NAE1: variants seen among roughly 807,000 people sequenced by gnomAD.
NAE1 encodes the protein NEDD8 activating enzyme E1 subunit 1.
NAE1 carries 59 observed loss-of-function variants against 88.0 expected under a neutral mutation model. That is an observed-to-expected ratio of 0.67 (90% confidence interval 0.54 to 0.83). NAE1 has a LOEUF of 0.83. NAE1 is among the 40% of genes least tolerant of loss of function. The pLI, the probability that NAE1 is intolerant of heterozygous loss-of-function variation, is 0.00. For synonymous variants in NAE1, 186 were observed against 208.9 expected, an observed-to-expected ratio of 0.89 and a Z score of 0.95; for missense variants, 554 against 632.8, an observed-to-expected ratio of 0.88 and a Z score of 1.34.
At chr16:66,824,936 G>A (rs755429834) in intron 3 of NAE1, 51 bp from the exon 4 acceptor site, 33 of 1,523,370 alleles carry the variant, frequency 2.2e-5, no homozygotes, top group Non-Finnish European at 2.9e-5. Context: ...TGACTATAAA[G>A]GAAAAGTTGT....
intron 1 of NAE1, among the ~76,000 whole-genome samples, chr16:66,829,468 A>G (rs959955773): frequency 3.3e-5 from 5 of 152,216 alleles, no homozygotes; most frequent in Non-Finnish European, 4.4e-5. Context: ...CAAATTACCT[A>G]ACTTCTCCAA....
chr16:66,826,784 C>A lies in NAE1; in HGVS notation c.54-4G>T. 1 of 1,582,974 alleles carries A rather than the reference C, an allele frequency of 6.3e-7. No individual in the cohort carries two copies. The highest frequency in any genetic ancestry group is 8.5e-7 in the Non-Finnish European group (1 of 1,169,850). On this transcript the variant is annotated splice_region_variant and splice_polypyrimidine_tract_variant and intron_variant, in intron 1 of 19. Transcript: ENST00000290810. Reference sequence around the variant, plus strand: ...TTGCCCATGATCACCCCACAACCTACAAAACAGACACAAATTTGATGTTTT... The same window carrying A: ...TTGCCCATGATCACCCCACAACCTAAAAAACAGACACAAATTTGATGTTTT...
At chr16:66,814,939 T>C (rs1959981661) in intron 11 of NAE1, among the ~76,000 whole-genome samples, 1 of 152,208 alleles carries the variant, frequency 6.6e-6, no homozygotes, top group African/African-American at 2.4e-5. Flanking sequence ...AAAGTCAAGC[T>C]TCATCCCACT....
Position 66,818,520 on chromosome 16 carries a change from C to T in NAE1, c.621+8G>A. ...ATCTGTAAATGTAAGGTCACACACACTACCAACCTTTTTTTCCATATGATC... is the reference window on the plus strand; with the variant it reads ...ATCTGTAAATGTAAGGTCACACACATTACCAACCTTTTTTTCCATATGATC... On this transcript the variant is annotated splice_region_variant and intron_variant, in intron 8 of 19. Coordinates refer to ENST00000290810, the MANE Select transcript of NAE1 (RefSeq NM_003905.4). The T allele has an allele frequency of 6.2e-7, 1 of 1,604,892 alleles. No homozygotes were observed. Among genetic ancestry groups the T allele is most frequent in the Non-Finnish European group, 8.5e-7 (1 of 1,175,838 alleles).
At chr16:66,829,838 T>C (rs955347006) in intron 1 of NAE1, among the ~76,000 whole-genome samples, 1 of 152,224 alleles carries the variant, frequency 6.6e-6, no homozygotes, top group Non-Finnish European at 1.5e-5. Context: ...ATGAGGCTAG[T>C]GTTAACTGAG....
chr16:66,804,242 C>CAA (rs58574660), intron 19 of NAE1, among the ~76,000 whole-genome samples: 3,089 of 140,946 alleles, frequency 0.022, 61 homozygotes, highest in South Asian at 0.094. Context: ...AAGTAAAAAA[C>CAA]AAAAAAAAAA....
intron 6 of NAE1, among the ~76,000 whole-genome samples, chr16:66,823,014 C>T (rs1004252884): frequency 1.4e-5 from 2 of 145,618 alleles, no homozygotes; most frequent in African/African-American, 5.0e-5. Context: ...CACCTGTAAT[C>T]CCAACACTTT....
intron 17 of NAE1, 87 bp downstream of exon 17, chr16:66,808,434 A>G (rs942253451): frequency 3.6e-5 from 33 of 910,968 alleles, no homozygotes; most frequent in Non-Finnish European, 5.1e-5. Context: ...TTCAAGCAAC[A>G]CTATTATAAA....
rs539519268 is a variant in NAE1, at chr16:66,827,810, G to A, written c.54-1030C>T. The A allele has an allele frequency of 1.3e-5, 8 of 599,302 alleles. No individual in the cohort carries two copies. In the Admixed American group the frequency reaches 1.8e-4, roughly 13 times the overall value. 37.1% of individuals were successfully genotyped at this position (599,302 alleles called of 1,614,324 possible). A position where few individuals can be genotyped will look rare whatever the true frequency, so the allele number is the denominator to read the frequency against. ...TTTAAAGCAGATTACCCCTTATTATGTAGTCAGTATGTCCTCCAGAGCATG... is the reference window on the plus strand; with the variant it reads ...TTTAAAGCAGATTACCCCTTATTATATAGTCAGTATGTCCTCCAGAGCATG... On this transcript the variant is annotated intron_variant, in intron 1 of 19. Transcript: ENST00000290810.
intron 13 of NAE1, among the ~76,000 whole-genome samples, chr16:66,812,807 C>T (rs1244340670): frequency 2.0e-5 from 3 of 150,924 alleles, no homozygotes; most frequent in Non-Finnish European, 3.0e-5. Context: ...GCGTGAGCCA[C>T]CACGCCCGGC....
At position 66,813,775 on chromosome 16, in the gene NAE1, T is replaced by A. The variant is rs750702444; in HGVS notation, c.900+12A>T. 22 of 1,613,326 alleles carry A rather than the reference T, an allele frequency of 1.4e-5. No individual in the cohort carries two copies. Among genetic ancestry groups the A allele is most frequent in the Admixed American group, 3.3e-5 (2 of 59,950 alleles). ...GTTTTAGCAGCAATGTTTTTACTTT[T>A]GTTGTTGTTACCTGTTTGGTGATAT... is the stretch of plus-strand genomic sequence containing the variant. On this transcript the variant is annotated intron_variant, in intron 12 of 19. Coordinates refer to ENST00000290810, the MANE Select transcript of NAE1 (RefSeq NM_003905.4).
intron 7 of NAE1, 143 bp downstream of exon 7, chr16:66,821,307 T>A (rs1960248797): frequency 9.3e-7 from 1 of 1,074,454 alleles, no homozygotes; most frequent in East Asian, 2.9e-5. Context: ...GCCTATTGAA[T>A]CTGATTGCCA....
In NAE1 at chr16:66,817,508, A is replaced by C. The variant is rs539092569; in HGVS notation, c.622-21T>G. 1.0e-5 allele frequency: 15 copies of C among 1,491,952 alleles called. No individual in the cohort carries two copies. In the South Asian group the frequency reaches 1.8e-4, roughly 18 times the overall value. 92.4% of individuals were successfully genotyped at this position (1,491,952 alleles called of 1,614,324 possible). ...TGGTCCTAAAAATGAGAGACAAATA[A>C]AAGAAAATATCAGTATTATGAATTC... On this transcript the variant is annotated intron_variant, in intron 8 of 19. Transcript: ENST00000290810.
At position 66,803,134 on chromosome 16, in the gene NAE1, A is replaced by G. The variant is rs1289742178; in HGVS notation, c.1496-16T>C. The G allele has an allele frequency of 6.7e-7, 1 of 1,500,804 alleles. No homozygotes were observed. Among genetic ancestry groups the G allele is most frequent in the South Asian group, 1.1e-5 (1 of 88,524 alleles). 93.0% of individuals were successfully genotyped at this position (1,500,804 alleles called of 1,614,324 possible). Reference sequence around the variant, plus strand: ...GCAGCAGCTCCTGAAAGGAAAAAGGAGAAAAGCAAATCTTTGAAAGAGTAA... The same window carrying G: ...GCAGCAGCTCCTGAAAGGAAAAAGGGGAAAAGCAAATCTTTGAAAGAGTAA... On this transcript the variant is annotated splice_polypyrimidine_tract_variant and intron_variant, in intron 19 of 19. Coordinates refer to ENST00000290810, the MANE Select transcript of NAE1 (RefSeq NM_003905.4).
intron 11 of NAE1, among the ~76,000 whole-genome samples, chr16:66,815,129 T>C (rs1959991140): frequency 6.6e-6 from 1 of 152,230 alleles, no homozygotes; most frequent in Non-Finnish European, 1.5e-5. Context: ...CCCTTTGTTC[T>C]GCTGTAATTT....
chr16:66,803,255 C>T, intron 19 of NAE1, 137 bp from the exon 20 acceptor site: 1 of 614,606 alleles, frequency 1.6e-6, no homozygotes, highest in Non-Finnish European at 2.8e-6. Flanking sequence ...AGTTAGCTTA[C>T]TGAGTCATAT....
At chr16:66,823,695 A>G in intron 4 of NAE1, 95 bp from the exon 5 acceptor site, 2 of 949,336 alleles carry the variant, frequency 2.1e-6, no homozygotes, top group Non-Finnish European at 3.1e-6. Context: ...CTGTAAAACT[A>G]TCCAAATTTC....
intron 8 of NAE1, 23 bp downstream of exon 8, chr16:66,818,505 G>A (rs762540691): frequency 6.4e-7 from 1 of 1,565,326 alleles, no homozygotes. Flanking sequence ...ATCTGTAAAT[G>A]TAAGGTCACA....
chr16:66,814,951 C>T (rs1959982280), intron 11 of NAE1, among the ~76,000 whole-genome samples: 1 of 152,226 alleles, frequency 6.6e-6, no homozygotes, highest in African/African-American at 2.4e-5. Flanking sequence ...CATCCCACTT[C>T]TGGGCCTTTG....
Sources: gnomAD v4.1 joint callset for allele counts (sites outside exome capture counted in the v4.1 genomes callset) on GRCh38, gnomAD v4.1.1 for gene constraint, MANE v1.5 for transcripts, NCBI Gene and HGNC (gene_info 2026-07-23, HGNC 2026-07-21) for gene names.